MACF1: variants seen among roughly 807,000 people sequenced by gnomAD.
The protein encoded by MACF1 is microtubule-actin cross-linking factor 1.
A neutral mutation model predicts 854.8 loss-of-function variants in MACF1; 193 were observed. The observed-to-expected ratio is 0.23, with a 90% CI of 0.20 to 0.25. MACF1 has a LOEUF of 0.25. Among genes scored for constraint, MACF1 ranks in the 10% least tolerant of loss-of-function variants. The probability of loss-of-function intolerance (pLI) is 1.00; values close to 1 mark genes in which losing one functional copy is unlikely to be tolerated. For synonymous variants in MACF1, 3,185 were observed against 3,226.7 expected (o/e 0.99, Z 0.44); for missense variants, 7,722 against 8,929.1 (o/e 0.86, Z 5.45).
At position 39,285,395 on chromosome 1, in the gene MACF1, GTC is replaced by G. The variant is rs1161592939; in HGVS notation, c.1353+9_1353+10del. On this transcript the variant is annotated splice_donor_region_variant and intron_variant, in intron 13 of 100. Transcript: ENST00000564288. ...GCTAAGAATACACTGCAGGCTGTAA[GTC>G]TCTGACTGTTTTGTCCAACATCTGT... The G allele has an allele frequency of 6.2e-7, 1 of 1,613,390 alleles. No homozygotes were observed. The highest frequency in any genetic ancestry group is 1.3e-5 in the African/African-American group (1 of 75,022).
In MACF1 at chr1:39,332,293, AAGCAATAG is replaced by A. The variant is rs1557592387; in HGVS notation, c.5707_5714del (p.Ala1903LysfsTer6). 1 of 1,613,928 alleles carries A rather than the reference AAGCAATAG, an allele frequency of 6.2e-7. No individual in the cohort carries two copies. The highest frequency in any genetic ancestry group is 1.7e-5 in the Admixed American group (1 of 60,018). ...ACCACAGAGATTTTGTCCTGGAAGA[AAGCAATAG>A]AAAGTGGTATCCTGGATAGAGATCT... On this transcript the variant is annotated frameshift_variant, in exon 37 of 101. Transcript: ENST00000564288. LOFTEE classifies it high-confidence loss of function.
In MACF1 at chr1:39,347,066, C is replaced by A. The variant is rs1277390504; in HGVS notation, c.10671C>A (p.Asp3557Glu). The stretch of plus-strand genomic sequence containing the variant: ...TCTTTATCTCAGAACATGCCCAGGA[C>A]TTGTCCCCTCAGCAGAATCGACAGA... Reference protein sequence around the residue: ...IQFFISEHAQDLSPQQNRQML... With the variant: ...IQFFISEHAQELSPQQNRQML... Residue 3557 changes from aspartate to glutamate, a missense_variant, in exon 41 of 101, where the codon GAC (aspartate) becomes GAA (glutamate). By Grantham distance (45) the Asp-to-Glu change is conservative. This residue lies in a region of MACF1 where 854 missense variants were observed against 852.6 expected (regional missense o/e 1.00). Coordinates refer to ENST00000564288, the MANE Select transcript of MACF1 (RefSeq NM_001394062.1). The A allele has an allele frequency of 1.2e-6, 2 of 1,614,070 alleles. No homozygotes were observed. Among genetic ancestry groups the A allele is most frequent in the Non-Finnish European group, 1.7e-6 (2 of 1,179,926 alleles).
Position 39,434,451 on chromosome 1 carries a change from T to C in MACF1, c.17603T>C (p.Ile5868Thr), listed in dbSNP as rs1643929821. Residue 5868 changes from isoleucine (I) to threonine (T), a missense_variant, in exon 69 of 101, where the codon ATT (isoleucine) becomes ACT (threonine). Around this residue, in one of 15 missense-constraint regions of MACF1, gnomAD observed 2,807 missense variants for 3,235.8 expected, o/e 0.87. Coordinates refer to ENST00000564288, the MANE Select transcript of MACF1 (RefSeq NM_001394062.1). ...TESLIQQYEA[I>T]SLLNSERYAR... ...TCTCTAATACAGCAATATGAAGCCA[T>C]TAGCCTACTCAATTCAGAGCGTTAT... 6.2e-7 allele frequency: 1 copy of C among 1,606,758 alleles called. No individual in the cohort carries two copies. Among genetic ancestry groups the C allele is most frequent in the Admixed American group, 1.7e-5 (1 of 59,630 alleles).
intron 6 of MACF1, among the ~76,000 whole-genome samples, chr1:39,280,246 T>C (rs1007624644): frequency 1.3e-5 from 2 of 152,198 alleles, no homozygotes; most frequent in African/African-American, 4.8e-5. Context: ...TTTATTTTTA[T>C]TATTTCATTC....
rs890388010 is a variant in MACF1, at chr1:39,295,686, T to G, written c.2260-101T>G. On this transcript the variant is annotated intron_variant, in intron 19 of 100. Coordinates refer to ENST00000564288, the MANE Select transcript of MACF1 (RefSeq NM_001394062.1). Reference sequence around the variant, plus strand: ...GTATCTCCACATCTTTTCTGTTGGCTTCTCTATCATTAGCAGAGTTGTACT... The same window carrying G: ...GTATCTCCACATCTTTTCTGTTGGCGTCTCTATCATTAGCAGAGTTGTACT... The G allele has an allele frequency of 1.4e-5, 11 of 791,756 alleles. No individual in the cohort carries two copies. In the Admixed American group the frequency reaches 2.3e-4, roughly 17 times the overall value. 49.0% of individuals were successfully genotyped at this position (791,756 alleles called of 1,614,324 possible). A position where few individuals can be genotyped will look rare whatever the true frequency, so the allele number is the denominator to read the frequency against.
chr1:39,236,182 A>G (rs1293744338), intron 2 of MACF1, among the ~76,000 whole-genome samples: 1 of 152,216 alleles, frequency 6.6e-6, no homozygotes, highest in Non-Finnish European at 1.5e-5. Context: ...TCATGCTGCT[A>G]GAAAAAGGCA....
chr1:39,442,381 G>C, intron 76 of MACF1, 31 bp from the exon 77 acceptor site: 1 of 1,610,368 alleles, frequency 6.2e-7, no homozygotes, highest in Non-Finnish European at 8.5e-7. Context: ...ATTTCGTATT[G>C]AATATTCCCT....
At position 39,409,222 on chromosome 1, in the gene MACF1, G is replaced by A. The variant is rs931337987; in HGVS notation, c.15817-13152G>A. Among the ~76,000 whole-genome samples the A allele has an allele frequency of 4.6e-5, 7 of 152,068 alleles. No individual in the cohort carries two copies. Among genetic ancestry groups the A allele is most frequent in the African/African-American group, 1.7e-4 (7 of 41,428 alleles). ...AGCTGCGGGCGGGGAGGACGGCGGG[G>A]CCGCGGGGCCAGCGGCGTGGTGGAG... is the stretch of plus-strand genomic sequence containing the variant. On this transcript the variant is annotated intron_variant, in intron 58 of 100. Coordinates refer to ENST00000564288, the MANE Select transcript of MACF1 (RefSeq NM_001394062.1). The surrounding 1 kb of genome is among the most constrained non-coding windows in gnomAD (Gnocchi z 4.2).
intron 2 of MACF1, among the ~76,000 whole-genome samples, chr1:39,193,791 G>GAGAGA: frequency 6.7e-6 from 1 of 148,994 alleles, no homozygotes; most frequent in Non-Finnish European, 1.5e-5. Flanking sequence ...AGAGAGAGAG[G>GAGAGA]GAGAGAGAGA....
At chr1:39,279,076 A>G (rs1034542044) in intron 6 of MACF1, among the ~76,000 whole-genome samples, 2 of 152,224 alleles carry the variant, frequency 1.3e-5, no homozygotes, top group East Asian at 1.9e-4. Flanking sequence ...GTGAACATGC[A>G]GTCAGAGCAG....
chr1:39,336,179 A>G lies in MACF1; in HGVS notation c.9591A>G (p.Lys3197=). The change falls in exon 37 of 101, where the codon AAA becomes AAG. Residue 3197 remains lysine (K), a synonymous_variant. Transcript: ENST00000564288. The part of the protein sequence containing the change: ...EEITVSRPDS[K]EVRYLEFSDR... The stretch of plus-strand genomic sequence containing the variant: ...TCACAGTTTCTAGACCAGATTCAAA[A>G]GAAGTCAGGTATCTAGAATTCTCAG... The G allele has an allele frequency of 6.2e-7, 1 of 1,614,214 alleles. No individual in the cohort carries two copies. Among genetic ancestry groups the G allele is most frequent in the Non-Finnish European group, 8.5e-7 (1 of 1,180,034 alleles).
intron 51 of MACF1, 62 bp downstream of exon 51, chr1:39,370,248 T>A: frequency 7.0e-7 from 1 of 1,421,472 alleles, no homozygotes; most frequent in Non-Finnish European, 9.5e-7. Flanking sequence ...TTGTATTAAC[T>A]GGTCTCCAGC....
intron 71 of MACF1, among the ~76,000 whole-genome samples, chr1:39,438,942 G>A (rs1644041883): frequency 6.6e-6 from 1 of 151,170 alleles, no homozygotes; most frequent in Non-Finnish European, 1.5e-5. Context: ...AATTAGCCAG[G>A]CATGGTGGCA....
intron 2 of MACF1, among the ~76,000 whole-genome samples, chr1:39,239,236 G>A (rs545226503): frequency 2.6e-5 from 4 of 152,264 alleles, no homozygotes; most frequent in East Asian, 3.9e-4. Context: ...AGCTGAGATC[G>A]TGCCACCGCA....
intron 58 of MACF1, among the ~76,000 whole-genome samples, chr1:39,404,968 GATTTTGTCATC>G (rs1480402311): frequency 1.3e-5 from 2 of 152,158 alleles, no homozygotes; most frequent in Non-Finnish European, 1.5e-5. Flanking sequence ...AAAGCCCCAT[GATTTTGTCATC>G]ACCATGGTTT....
At chr1:39,346,190 A>C (rs938045948) in intron 40 of MACF1, among the ~76,000 whole-genome samples, 7 of 151,142 alleles carry the variant, frequency 4.6e-5, no homozygotes, top group Non-Finnish European at 4.4e-5. Context: ...GTGAAACCCC[A>C]TCTCTACTAA....
chr1:39,338,351 C>T (rs890991610), intron 38 of MACF1, among the ~76,000 whole-genome samples: 3 of 151,482 alleles, frequency 2.0e-5, no homozygotes, highest in South Asian at 2.1e-4. Flanking sequence ...CTGGATGAGG[C>T]GATAACTACC....
rs116866309 is a variant in MACF1, at chr1:39,140,510, A to G, written c.220+56072A>G. 2.6e-5 allele frequency among the ~76,000 whole-genome samples: 4 copies of G among 152,350 alleles called. No individual in the cohort carries two copies. In the East Asian group the frequency reaches 7.7e-4, roughly 29 times the overall value. ...CTGACAAGTTGAAGAAATGTTGATG[A>G]ATGCATGTGTCTAGCACAGTGCCTC... On this transcript the variant is annotated intron_variant, in intron 2 of 93. Coordinates refer to the MACF1 transcript ENST00000361689.
At position 39,434,623 on chromosome 1, in the gene MACF1, G is replaced by A; in HGVS notation, c.17775G>A (p.Glu5925=). The change falls in exon 69 of 101, where the codon GAG becomes GAA. Residue 5925 remains glutamate (E), a synonymous_variant. Coordinates refer to ENST00000564288, the MANE Select transcript of MACF1 (RefSeq NM_001394062.1). ...ATGAGCAGCTCAGGCAGCAACAAGA[G>A]GAAATGAGGGTAAGGAGCATGCCAA... is the stretch of plus-strand genomic sequence containing the variant. ...IDHEQLRQQQ[E]EMRQLRESIA... is the part of the protein sequence containing the mutation. 2 of 1,613,830 alleles carry A rather than the reference G, an allele frequency of 1.2e-6. No individual in the cohort carries two copies. Among genetic ancestry groups the A allele is most frequent in the East Asian group, 2.2e-5 (1 of 44,874 alleles).
Sources: gnomAD v4.1 joint callset for allele counts (sites outside exome capture counted in the v4.1 genomes callset) on GRCh38, gnomAD v4.1.1 for gene constraint, gnomAD v4.1.1 regional missense constraint, Gnocchi (gnomAD v3.1) non-coding constraint, MANE v1.5 for transcripts, NCBI Gene and HGNC (gene_info 2026-07-23, HGNC 2026-07-21) for gene names.